The following PLCB4 variants were observed in gnomAD, a reference collection of about 807,000 sequenced individuals.
PLCB4 encodes the protein 1-phosphatidylinositol 4,5-bisphosphate phosphodiesterase beta-4.
PLCB4 carries 77 observed loss-of-function variants against 178.8 expected under a neutral mutation model. That is an observed-to-expected ratio of 0.43 (90% CI 0.36 to 0.52). The LOEUF (loss-of-function observed/expected upper bound fraction) is 0.52. Among genes scored for constraint, PLCB4 ranks in the 20% least tolerant of loss-of-function variants. The pLI is 0.00. For missense variants in PLCB4, 1,024 were observed against 1,453.4 expected, an observed-to-expected ratio of 0.70 and a Z score of 4.80; for synonymous variants, 496 against 490.8, an observed-to-expected ratio of 1.01 and a Z score of -0.14.
intron 2 of PLCB4, among the ~76,000 whole-genome samples, chr20:9,202,546 A>G (rs1002708503): frequency 1.3e-5 from 2 of 151,976 alleles, no homozygotes; most frequent in Non-Finnish European, 2.9e-5. Context: ...TGCTTCAGTT[A>G]TTATTCATGG....
intron 3 of PLCB4, among the ~76,000 whole-genome samples, chr20:9,218,612 G>A (rs2093760194): frequency 6.6e-6 from 1 of 152,146 alleles, no homozygotes; most frequent in Admixed American, 6.5e-5. Context: ...TGCATATCAT[G>A]TGAGATACTT....
chr20:9,105,748 A>G (rs938504068), intron 2 of PLCB4, among the ~76,000 whole-genome samples: 1 of 152,106 alleles, frequency 6.6e-6, no homozygotes, highest in Non-Finnish European at 1.5e-5. Flanking sequence ...GGACACCTGC[A>G]AAGTCTTCTG....
intron 2 of PLCB4, among the ~76,000 whole-genome samples, chr20:9,141,841 T>C (rs1377851640): frequency 1.3e-5 from 2 of 151,854 alleles, no homozygotes; most frequent in Non-Finnish European, 2.9e-5. Flanking sequence ...CATGGATGAG[T>C]AGATTTAGGA....
intron 30 of PLCB4, 81 bp downstream of exon 30, chr20:9,437,233 A>G: frequency 7.8e-7 from 1 of 1,277,922 alleles, no homozygotes; most frequent in Non-Finnish European, 1.1e-6. Flanking sequence ...TTTAGGAAAT[A>G]TATAAATTCG....
intron 1 of PLCB4, among the ~76,000 whole-genome samples, chr20:9,072,969 C>T (rs559214627): frequency 6.6e-6 from 1 of 152,262 alleles, no homozygotes; most frequent in Non-Finnish European, 1.5e-5. Flanking sequence ...ATGAGAATGT[C>T]ACACACCATG....
At chr20:9,378,520 A>G (rs138434814) in intron 12 of PLCB4, among the ~76,000 whole-genome samples, 28 of 152,218 alleles carry the variant, frequency 1.8e-4, no homozygotes, top group Middle Eastern at 3.4e-3. Context: ...GCACGATGGC[A>G]TCAATTTCCT....
At chr20:9,302,040 G>A (rs2094711379) in intron 3 of PLCB4, among the ~76,000 whole-genome samples, 1 of 152,120 alleles carries the variant, frequency 6.6e-6, no homozygotes, top group Admixed American at 6.6e-5. Flanking sequence ...TGTGGGCTCT[G>A]CATGGTGAGA....
rs192877403 is a variant in PLCB4, at chr20:9,105,589, T to C, written c.-79+9247T>C. The stretch of plus-strand genomic sequence containing the variant: ...AAAGAATATTTTAAGTCAATGATGA[T>C]TGAACAATGGTATTGATACAGGGAT... On this transcript the variant is annotated intron_variant, in intron 2 of 39. Coordinates refer to ENST00000378473, the MANE Select transcript of PLCB4 (RefSeq NM_001377142.1). 1.8e-3 allele frequency among the ~76,000 whole-genome samples: 277 copies of C among 152,178 alleles called. 3 individuals carry two copies. Among genetic ancestry groups the C allele is most frequent in the African/African-American group, 6.2e-3 (258 of 41,582 alleles).
chr20:9,387,961 G>A (rs117157447), intron 15 of PLCB4, among the ~76,000 whole-genome samples: 2,055 of 152,332 alleles, frequency 0.013, 20 homozygotes, highest in Non-Finnish European at 0.02. Flanking sequence ...AAGAAAGGCC[G>A]GGCGTGGTGG....
chr20:9,232,102 A>C (rs2093939349), intron 3 of PLCB4, among the ~76,000 whole-genome samples: 1 of 152,150 alleles, frequency 6.6e-6, no homozygotes, highest in African/African-American at 2.4e-5. Flanking sequence ...GAAAAGGCAG[A>C]TCTAATCCAT....
intron 10 of PLCB4, among the ~76,000 whole-genome samples, chr20:9,371,990 C>T (rs1439268159): frequency 1.3e-5 from 2 of 152,168 alleles, no homozygotes; most frequent in Non-Finnish European, 2.9e-5. Context: ...ACTTTTCTCC[C>T]TCAAGGTGAG....
At chr20:9,114,188 T>C (rs546836970) in intron 2 of PLCB4, among the ~76,000 whole-genome samples, 19 of 152,246 alleles carry the variant, frequency 1.2e-4, no homozygotes, top group Admixed American at 8.5e-4. Context: ...CATTCTAGCC[T>C]GGGGAACAGA....
chr20:9,422,089 C>T (rs1252604197), intron 27 of PLCB4, among the ~76,000 whole-genome samples: 3 of 152,132 alleles, frequency 2.0e-5, no homozygotes, highest in Non-Finnish European at 2.9e-5. Flanking sequence ...GTGGAAAATC[C>T]GCACACCGGC....
intron 2 of PLCB4, among the ~76,000 whole-genome samples, chr20:9,189,597 C>T (rs2093373634): frequency 1.3e-5 from 2 of 152,312 alleles, no homozygotes; most frequent in East Asian, 3.9e-4. Flanking sequence ...CATACTGTCT[C>T]AGTCCATTTA....
chr20:9,441,993 A>G (rs1233277622), intron 30 of PLCB4, among the ~76,000 whole-genome samples: 3 of 152,142 alleles, frequency 2.0e-5, no homozygotes, highest in Non-Finnish European at 4.4e-5. Flanking sequence ...AAGAGAAAAC[A>G]AGTTATTGTT....
At chr20:9,191,344 CATTTTTTTTTTTT>C (rs1282860738) in intron 2 of PLCB4, among the ~76,000 whole-genome samples, 1 of 95,224 alleles carries the variant, frequency 1.1e-5, no homozygotes, top group Non-Finnish European at 2.0e-5. Context: ...ACTAGATAGG[CATTTTTTTTTTTT>C]TTTTTTTTTT....
At chr20:9,321,530 G>A (rs1047305812) in intron 4 of PLCB4, among the ~76,000 whole-genome samples, 2 of 152,086 alleles carry the variant, frequency 1.3e-5, no homozygotes, top group East Asian at 3.9e-4. Flanking sequence ...GGTGTCTTTA[G>A]TCTAGTTCTC....
chr20:9,398,338 G>A (rs1015514630), intron 19 of PLCB4, among the ~76,000 whole-genome samples: 23 of 152,112 alleles, frequency 1.5e-4, no homozygotes, highest in African/African-American at 3.1e-4. Flanking sequence ...ATAGTCAGCC[G>A]TGATGCCTAC....
At chr20:9,449,519 C>T (rs935910446) in intron 32 of PLCB4, among the ~76,000 whole-genome samples, 1 of 152,078 alleles carries the variant, frequency 6.6e-6, no homozygotes, top group Admixed American at 6.6e-5. Context: ...AAAGGAGAGT[C>T]AAAAAATCAG....
Sources: gnomAD v4.1 joint callset for allele counts (sites outside exome capture counted in the v4.1 genomes callset) on GRCh38, gnomAD v4.1.1 for gene constraint, MANE v1.5 for transcripts, NCBI Gene and HGNC (gene_info 2026-07-23, HGNC 2026-07-21) for gene names.